Variants in SLC8A1 observed in about 807,000 individuals in gnomAD.
SLC8A1 encodes solute carrier family 8 member A1, also known as sodium/calcium exchanger 1.
A neutral mutation model predicts 68.3 loss-of-function variants in SLC8A1; 18 were observed. The ratio of observed to expected loss-of-function variants is 0.26; its 90% CI spans 0.18 to 0.39. The LOEUF (loss-of-function observed/expected upper bound fraction) is 0.39. Ranked by LOEUF, SLC8A1 falls within the 10% of genes least tolerant of loss-of-function variation. The pLI is 1.00. For synonymous variants in SLC8A1, 475 were observed against 415.5 expected (o/e 1.14, Z -1.74); for missense variants, 985 against 1,156.7 (o/e 0.85, Z 2.15).
chr2:40,205,593 T>C lies in SLC8A1; in HGVS notation c.1809-27738A>G, dbSNP rs555556396. Among the ~76,000 whole-genome samples the C allele has an allele frequency of 2.6e-5, 4 of 151,964 alleles. No individual in the cohort carries two copies. In the East Asian group the frequency reaches 5.8e-4, roughly 22 times the overall value. ...GTTCTCACTTACAAGAGGGAGCTAA[T>C]TGATGAGAACACATGGACACACAGA... On this transcript the variant is annotated intron_variant, in intron 2 of 7. Transcript: ENST00000406785.
At chr2:40,350,187 G>A (rs1670616571) in intron 2 of SLC8A1, among the ~76,000 whole-genome samples, 1 of 152,062 alleles carries the variant, frequency 6.6e-6, no homozygotes, top group African/African-American at 2.4e-5. Flanking sequence ...AACTATCAAC[G>A]ACGCCATTTA....
intron 1 of SLC8A1, among the ~76,000 whole-genome samples, chr2:40,458,499 T>C (rs1576608939): frequency 6.6e-6 from 1 of 152,056 alleles, no homozygotes; most frequent in Non-Finnish European, 1.5e-5. Context: ...TAGGGTAAAC[T>C]CTTTGGCCTC....
chr2:40,216,558 G>A (rs1234198760), intron 2 of SLC8A1, among the ~76,000 whole-genome samples: 1 of 152,162 alleles, frequency 6.6e-6, no homozygotes, highest in East Asian at 1.9e-4. Flanking sequence ...TCTGATTCTA[G>A]ATCCTTGAGG....
intron 2 of SLC8A1, among the ~76,000 whole-genome samples, chr2:40,374,588 A>G (rs909175102): frequency 3.3e-5 from 5 of 152,058 alleles, no homozygotes; most frequent in African/African-American, 1.2e-4. Flanking sequence ...CTAGGTAAAG[A>G]AACCATTTAG....
At chr2:40,506,788 A>C (rs1706398260) in intron 1 of SLC8A1, among the ~76,000 whole-genome samples, 2 of 151,984 alleles carry the variant, frequency 1.3e-5, no homozygotes, top group Admixed American at 1.3e-4. Flanking sequence ...TAGCAAAATC[A>C]TCTCTGGGAA....
chr2:40,384,488 C>G (rs1682937403), intron 2 of SLC8A1, among the ~76,000 whole-genome samples: 1 of 152,006 alleles, frequency 6.6e-6, no homozygotes. Context: ...AGAAGGTACA[C>G]TATACATCAA....
chr2:40,321,240 A>G (rs1222045022), intron 2 of SLC8A1, among the ~76,000 whole-genome samples: 1 of 152,142 alleles, frequency 6.6e-6, no homozygotes, highest in Non-Finnish European at 1.5e-5. Flanking sequence ...CATCTCATGG[A>G]CAAACATCTG....
chr2:40,256,690 GA>G (rs141405091), intron 2 of SLC8A1, among the ~76,000 whole-genome samples: 4 of 151,020 alleles, frequency 2.6e-5, no homozygotes, highest in Non-Finnish European at 4.4e-5. Context: ...TGGAGGGCAG[GA>G]AAAAAAAATG....
intron 2 of SLC8A1, among the ~76,000 whole-genome samples, chr2:40,270,063 G>T (rs1180984873): frequency 6.6e-6 from 1 of 152,170 alleles, no homozygotes; most frequent in East Asian, 1.9e-4. Context: ...TAAATGGTCA[G>T]TAGGTCTTCA....
At chr2:40,154,672 C>CT (rs1390184856) in intron 6 of SLC8A1, among the ~76,000 whole-genome samples, 1 of 151,756 alleles carries the variant, frequency 6.6e-6, no homozygotes, top group Non-Finnish European at 1.5e-5. Flanking sequence ...ACAAAGTTTT[C>CT]TTTTTTGTTT....
At chr2:40,338,673 C>G (rs1345916068) in intron 2 of SLC8A1, among the ~76,000 whole-genome samples, 1 of 152,118 alleles carries the variant, frequency 6.6e-6, no homozygotes, top group Admixed American at 6.6e-5. Flanking sequence ...GACAACAAAA[C>G]AAGTTGTGTC....
At chr2:40,303,373 TG>T (rs1258131895) in intron 2 of SLC8A1, among the ~76,000 whole-genome samples, 1 of 152,142 alleles carries the variant, frequency 6.6e-6, no homozygotes, top group Non-Finnish European at 1.5e-5. Context: ...GGGCCAGCAC[TG>T]GCTGGGGAAA....
intron 1 of SLC8A1, among the ~76,000 whole-genome samples, chr2:40,460,809 G>A (rs1294555224): frequency 1.3e-5 from 2 of 152,104 alleles, no homozygotes; most frequent in Non-Finnish European, 2.9e-5. Flanking sequence ...CTGACCTCAG[G>A]TGATCTGCCC....
chr2:40,358,999 G>C (rs1372957705), intron 2 of SLC8A1, among the ~76,000 whole-genome samples: 1 of 152,134 alleles, frequency 6.6e-6, no homozygotes, highest in Non-Finnish European at 1.5e-5. Flanking sequence ...GGGTGGAACG[G>C]CTTGTGCAAA....
At chr2:40,412,921 CTTTAAG>C (rs1310746437) in intron 2 of SLC8A1, among the ~76,000 whole-genome samples, 2 of 151,848 alleles carry the variant, frequency 1.3e-5, no homozygotes, top group Non-Finnish European at 2.9e-5. Flanking sequence ...TTTTATTATA[CTTTAAG>C]TTTTAGGGTA....
exon 2 of SLC8A1, chr2:40,429,567 A>G: frequency 6.2e-7 from 1 of 1,613,748 alleles, no homozygotes; most frequent in Non-Finnish European, 8.5e-7. Flanking sequence ...AGAAGAAGAA[A>G]GTAAGCAAAC....
chr2:40,268,901 TA>T (rs1475387083), intron 2 of SLC8A1, among the ~76,000 whole-genome samples: 3 of 152,148 alleles, frequency 2.0e-5, no homozygotes, highest in African/African-American at 7.2e-5. Flanking sequence ...CCTCTCAAAA[TA>T]ACACATTTCT....
rs1042500715 is a variant in SLC8A1, at chr2:40,470,833, G to A, written c.-24-40529C>T. On this transcript the variant is annotated intron_variant, in intron 1 of 7. Coordinates refer to the SLC8A1 transcript ENST00000402441. ...AATTTTATCTTTTATAATTAGGGAA[G>A]TGTTTTCAATCAACAATTGTTTAAT... Among the ~76,000 whole-genome samples the A allele has an allele frequency of 1.8e-4, 27 of 152,082 alleles. 1 individual carries two copies. Among genetic ancestry groups the A allele is most frequent in the Admixed American group, 1.5e-3 (23 of 15,260 alleles).
chr2:40,153,134 T>G (rs1476863811), intron 6 of SLC8A1, among the ~76,000 whole-genome samples: 1 of 152,184 alleles, frequency 6.6e-6, no homozygotes, highest in Non-Finnish European at 1.5e-5. Context: ...TAAAGATACC[T>G]GTGAAGTAAA....
Sources: gnomAD v4.1 joint callset for allele counts (sites outside exome capture counted in the v4.1 genomes callset) on GRCh38, gnomAD v4.1.1 for gene constraint, MANE v1.5 for transcripts, NCBI Gene and HGNC (gene_info 2026-07-23, HGNC 2026-07-21) for gene names.